ADCY2: variants seen among roughly 807,000 people sequenced by gnomAD.
ADCY2 encodes adenylate cyclase 2, also known as adenylate cyclase type 2.
In ADCY2, 31 loss-of-function variants were observed where a neutral mutation model predicts 125.2. That is an observed-to-expected ratio of 0.25 (90% CI 0.19 to 0.33). The LOEUF is 0.33. Among genes scored for constraint, ADCY2 ranks in the 10% least tolerant of loss-of-function variants. ADCY2 has a pLI of 1.00. For synonymous variants in ADCY2, 512 were observed against 548.4 expected, an observed-to-expected ratio of 0.93 and a Z score of 0.93; for missense variants, 904 against 1,418.2, an observed-to-expected ratio of 0.64 and a Z score of 5.82.
chr5:7,654,922 A>G lies in ADCY2; in HGVS notation c.720+28606A>G, dbSNP rs73051859. ...GAAAAAATGCAAATAAGCATTGCCTACTTGGAGAGTGGCACCTTCTGAAAT... is the reference window on the plus strand; with the variant it reads ...GAAAAAATGCAAATAAGCATTGCCTGCTTGGAGAGTGGCACCTTCTGAAAT... On this transcript the variant is annotated intron_variant, in intron 4 of 24. Coordinates refer to ENST00000338316, the MANE Select transcript of ADCY2 (RefSeq NM_020546.3). Among the ~76,000 whole-genome samples the G allele has an allele frequency of 8.0e-3, 1,212 of 152,288 alleles. 18 individuals are homozygous for G. The highest frequency in any genetic ancestry group is 0.027 in the African/African-American group (1,141 of 41,560).
chr5:7,744,705 G>A (rs1030103312), intron 15 of ADCY2, among the ~76,000 whole-genome samples: 2 of 152,260 alleles, frequency 1.3e-5, no homozygotes, highest in Non-Finnish European at 2.9e-5. Context: ...GAGCTTCTCA[G>A]CAGCTCTCTT....
At chr5:7,580,394 T>C (rs1736391282) in intron 3 of ADCY2, among the ~76,000 whole-genome samples, 2 of 151,902 alleles carry the variant, frequency 1.3e-5, no homozygotes, top group African/African-American at 4.8e-5. Context: ...AAATAGAAAC[T>C]ATAAGAAGGA....
chr5:7,677,901 G>C (rs1312303961), intron 4 of ADCY2, among the ~76,000 whole-genome samples: 1 of 152,190 alleles, frequency 6.6e-6, no homozygotes, highest in East Asian at 1.9e-4. Context: ...TAGCTGGTGA[G>C]AATAACACAT....
intron 18 of ADCY2, among the ~76,000 whole-genome samples, chr5:7,779,340 T>C (rs1462128246): frequency 1.3e-5 from 2 of 152,212 alleles, no homozygotes; most frequent in Admixed American, 6.5e-5. Flanking sequence ...GATTTTAGAA[T>C]AGGGGAAGGG....
At chr5:7,680,352 C>T (rs1032996065) in intron 4 of ADCY2, among the ~76,000 whole-genome samples, 6 of 152,176 alleles carry the variant, frequency 3.9e-5, no homozygotes, top group African/African-American at 1.4e-4. Flanking sequence ...GCTCAAAATG[C>T]TGATAGCGCT....
chr5:7,413,590 A>G (rs1394505977), intron 1 of ADCY2, among the ~76,000 whole-genome samples: 1 of 143,938 alleles, frequency 6.9e-6, no homozygotes, highest in Non-Finnish European at 1.5e-5. Context: ...GAGCCACCGC[A>G]CCCGGCCGGT....
intron 11 of ADCY2, 58 bp downstream of exon 11, chr5:7,712,957 A>T: frequency 7.9e-7 from 1 of 1,265,438 alleles, no homozygotes; most frequent in South Asian, 1.2e-5. Context: ...CATTTCTGAG[A>T]GTAATTATCA....
At position 7,690,682 on chromosome 5, in the gene ADCY2, C is replaced by T. The variant is rs1740675647; in HGVS notation, c.721-9C>T. The T allele has an allele frequency of 1.3e-6, 2 of 1,557,190 alleles. No individual in the cohort carries two copies. Among genetic ancestry groups the T allele is most frequent in the African/African-American group, 1.4e-5 (1 of 72,432 alleles). ...GAGACATTTGTTCCTCCTTCCCCAC[C>T]TTGTCCAGGAGCGGCTTCTGCTCTC... is the stretch of plus-strand genomic sequence containing the variant. On this transcript the variant is annotated splice_polypyrimidine_tract_variant and intron_variant, in intron 4 of 24. Coordinates refer to ENST00000338316, the MANE Select transcript of ADCY2 (RefSeq NM_020546.3).
chr5:7,716,622 C>G (rs947502350), intron 11 of ADCY2, among the ~76,000 whole-genome samples: 1 of 152,198 alleles, frequency 6.6e-6, no homozygotes, highest in African/African-American at 2.4e-5. Context: ...AGAGCCTGCT[C>G]ATAGGCTGTT....
intron 16 of ADCY2, among the ~76,000 whole-genome samples, chr5:7,763,538 C>T (rs111277856): frequency 0.019 from 2,821 of 152,238 alleles, 95 homozygotes; most frequent in African/African-American, 0.064. Context: ...TTTCATTTTC[C>T]CTACAGCAAC....
intron 2 of ADCY2, among the ~76,000 whole-genome samples, chr5:7,427,341 A>T (rs1438715812): frequency 6.6e-6 from 1 of 152,220 alleles, no homozygotes; most frequent in African/African-American, 2.4e-5. Context: ...AAACAGGTTT[A>T]ATTGACTTAC....
At chr5:7,597,858 C>G (rs535568970) in intron 3 of ADCY2, among the ~76,000 whole-genome samples, 1 of 152,278 alleles carries the variant, frequency 6.6e-6, no homozygotes, top group South Asian at 2.1e-4. Flanking sequence ...CCACTCACCC[C>G]TTGATAATTC....
chr5:7,589,506 G>GAAAAGA lies in ADCY2; in HGVS notation c.571-36658_571-36657insAGAAAA, dbSNP rs68115969. ...AGAAAGAAAGAAAGAAAGAAAGAAA[G>GAAAAGA]AAAGAAAAGAAAAGAAAGAGAAAGA... On this transcript the variant is annotated intron_variant, in intron 3 of 24. Transcript: ENST00000338316. 1.3e-3 allele frequency among the ~76,000 whole-genome samples: 119 copies of GAAAAGA among 93,892 alleles called. 2 individuals are homozygous for GAAAAGA. The highest frequency in any genetic ancestry group is 4.3e-3 in the South Asian group (10 of 2,322). 61.6% of individuals were successfully genotyped at this position (93,892 alleles called of 152,430 possible). A position where few individuals can be genotyped will look rare whatever the true frequency, so the allele number is the denominator to read the frequency against.
chr5:7,471,886 A>G (rs1263932127), intron 2 of ADCY2, among the ~76,000 whole-genome samples: 1 of 152,130 alleles, frequency 6.6e-6, no homozygotes, highest in African/African-American at 2.4e-5. Context: ...GTGTCTAACA[A>G]GGAGTCAGGT....
At chr5:7,450,297 G>T (rs187146620) in intron 2 of ADCY2, among the ~76,000 whole-genome samples, 169 of 152,272 alleles carry the variant, frequency 1.1e-3, no homozygotes, top group African/African-American at 3.7e-3. Flanking sequence ...TAGTGAACAC[G>T]CAAATGGCAA....
At position 7,733,142 on chromosome 5, in the gene ADCY2, G is replaced by A. The variant is rs184811171; in HGVS notation, c.1871+5881G>A. 5.3e-4 allele frequency among the ~76,000 whole-genome samples: 80 copies of A among 152,210 alleles called. 2 individuals are homozygous for A. In the East Asian group the frequency reaches 0.014, roughly 26 times the overall value. On this transcript the variant is annotated intron_variant, in intron 14 of 24. Coordinates refer to ENST00000338316, the MANE Select transcript of ADCY2 (RefSeq NM_020546.3). Reference sequence around the variant, plus strand: ...TGAATTTTTTTCTAGCACAATTTAGGTAAATAACATGTGTTTCATTAGCCC... The same window carrying A: ...TGAATTTTTTTCTAGCACAATTTAGATAAATAACATGTGTTTCATTAGCCC...
intron 3 of ADCY2, among the ~76,000 whole-genome samples, chr5:7,589,498 G>GAAAGAA (rs1309463150): frequency 0.073 from 3,788 of 51,694 alleles, 150 homozygotes; most frequent in East Asian, 0.25. Flanking sequence ...AAGAAAGAAA[G>GAAAGAA]AAAGAAAGAA....
intron 16 of ADCY2, among the ~76,000 whole-genome samples, chr5:7,763,414 A>G (rs557377188): frequency 6.6e-6 from 1 of 152,188 alleles, no homozygotes; most frequent in Non-Finnish European, 1.5e-5. Flanking sequence ...TTAATTATGT[A>G]AAATATATAT....
chr5:7,792,922 G>A (rs571238495), intron 20 of ADCY2, among the ~76,000 whole-genome samples: 77 of 152,300 alleles, frequency 5.1e-4, no homozygotes, highest in East Asian at 5.8e-4. Flanking sequence ...CAGGTGAGGC[G>A]GGCATTTCAC....
Sources: gnomAD v4.1 joint callset for allele counts (sites outside exome capture counted in the v4.1 genomes callset) on GRCh38, gnomAD v4.1.1 for gene constraint, MANE v1.5 for transcripts, NCBI Gene and HGNC (gene_info 2026-07-23, HGNC 2026-07-21) for gene names.